Variants in ANPEP observed in about 807,000 individuals in gnomAD.
The protein encoded by ANPEP is alanyl aminopeptidase, membrane.
Under a neutral mutation model 114.6 loss-of-function variants are expected in ANPEP, and 70 were observed. The observed-to-expected ratio is 0.61, with a 90% confidence interval of 0.50 to 0.75. The LOEUF (loss-of-function observed/expected upper bound fraction) is 0.75, where lower values mean the gene tolerates loss of function less well. Among genes scored for constraint, ANPEP ranks in the 30% least tolerant of loss-of-function variants. The pLI, the probability that ANPEP is intolerant of heterozygous loss-of-function variation, is 0.00. For synonymous variants in ANPEP, 548 were observed against 522.3 expected, an observed-to-expected ratio of 1.05 and a Z score of -0.67; for missense variants, 1,184 against 1,259.5, an observed-to-expected ratio of 0.94 and a Z score of 0.91.
chr15:89,790,356 C>T (rs1021374979), intron 20 of ANPEP, 104 bp downstream of exon 20: 9 of 983,128 alleles, frequency 9.2e-6, no homozygotes, highest in African/African-American at 3.2e-5. Context: ...GGCCTGGCGG[C>T]GTGGAGCCTG....
rs571008821 is a variant in ANPEP at position 89,803,565 on chromosome 15, C to T, written c.1438-58G>A. The T allele has an allele frequency of 1.2e-6, 2 of 1,600,720 alleles. No individual in the cohort carries two copies. Among genetic ancestry groups the T allele is most frequent in the East Asian group, 2.2e-5 (1 of 44,606 alleles). ...TGTGCAGAGCCACCAGGACCCTGTGCCCCCAGACCCTGCCTTCAGTGAGGC... is the reference window on the plus strand; with the variant it reads ...TGTGCAGAGCCACCAGGACCCTGTGTCCCCAGACCCTGCCTTCAGTGAGGC... On this transcript the variant is annotated intron_variant, in intron 8 of 20. Coordinates refer to ENST00000300060, the MANE Select transcript of ANPEP (RefSeq NM_001150.3). The surrounding 1 kb of genome is among the most constrained non-coding windows in gnomAD (Gnocchi z 4.2).
chr15:89,797,533 T>C (rs1968752243), intron 15 of ANPEP, 42 bp downstream of exon 15: 1 of 1,585,112 alleles, frequency 6.3e-7, no homozygotes, highest in South Asian at 1.1e-5. Flanking sequence ...TTTCAGGCAC[T>C]GGGGCGAACT....
intron 1 of ANPEP, among the ~76,000 whole-genome samples, chr15:89,814,045 G>A (rs1283265689): frequency 1.3e-5 from 2 of 150,180 alleles, no homozygotes; most frequent in African/African-American, 5.0e-5. Flanking sequence ...CATTGGCCCT[G>A]TTTAGGGGAC....
chr15:89,800,723 G>C (rs556287641), intron 12 of ANPEP, among the ~76,000 whole-genome samples: 3 of 152,060 alleles, frequency 2.0e-5, no homozygotes, highest in African/African-American at 7.2e-5. Flanking sequence ...CACCACACCT[G>C]GCTAATTTTG....
chr15:89,794,438 C>T (rs1344389936), intron 15 of ANPEP, among the ~76,000 whole-genome samples: 1 of 151,968 alleles, frequency 6.6e-6, no homozygotes, highest in Non-Finnish European at 1.5e-5. Context: ...GAGCCAAGAT[C>T]GGGCCACTGC....
chr15:89,792,252 G>A lies in ANPEP; in HGVS notation c.2436C>T (p.Ala812=). ...GTGTGGCATTTCGGAACTGCTCCCA[G>A]GCGAAGTCCCACTCCTCCTCCCCGC... ...AQGGEEEWDF[A]WEQFRNATLV... is the part of the protein sequence containing the mutation. The change falls in exon 18 of 21, where the codon GCC becomes GCT. Residue 812 remains alanine (A), a synonymous_variant. Coordinates refer to ENST00000300060, the MANE Select transcript of ANPEP (RefSeq NM_001150.3). 1.2e-6 allele frequency: 2 copies of A among 1,614,248 alleles called. No homozygotes were observed. The highest frequency in any genetic ancestry group is 1.7e-6 in the Non-Finnish European group (2 of 1,180,046).
intron 15 of ANPEP, among the ~76,000 whole-genome samples, chr15:89,794,515 A>T (rs1010475778): frequency 7.2e-5 from 11 of 152,030 alleles, no homozygotes; most frequent in African/African-American, 9.7e-5. Flanking sequence ...AATAAATAAA[A>T]AAATTAAAGG....
intron 6 of ANPEP, 48 bp downstream of exon 6, chr15:89,804,205 C>T (rs1596168724): frequency 6.2e-7 from 1 of 1,608,942 alleles, no homozygotes; most frequent in East Asian, 2.2e-5. Flanking sequence ...GCCGTCTCCT[C>T]TCGGAGCCCC....
intron 14 of ANPEP, 30 bp from the exon 15 acceptor site, chr15:89,797,752 G>C: frequency 2.5e-6 from 4 of 1,613,190 alleles, no homozygotes; most frequent in Non-Finnish European, 2.5e-6. Flanking sequence ...CCCAAGTAAA[G>C]CACCTCCACC....
intron 14 of ANPEP, among the ~76,000 whole-genome samples, chr15:89,798,256 T>C (rs930779940): frequency 6.6e-6 from 1 of 152,206 alleles, no homozygotes; most frequent in Non-Finnish European, 1.5e-5. Flanking sequence ...AATAAGTACC[T>C]GTTTATCCAT....
chr15:89,804,881 G>T, intron 4 of ANPEP, 197 bp downstream of exon 4: 2 of 889,264 alleles, frequency 2.2e-6, no homozygotes, highest in Non-Finnish European at 1.7e-6. Context: ...CTCCCTTCAT[G>T]AAGAGAAACC....
intron 2 of ANPEP, among the ~76,000 whole-genome samples, 190 bp from the exon 3 acceptor site, chr15:89,805,653 G>C (rs1894695724): frequency 6.6e-6 from 1 of 152,184 alleles, no homozygotes; most frequent in Non-Finnish European, 1.5e-5. Flanking sequence ...GTGGGGGTTG[G>C]GGCTCCTTCT....
intron 17 of ANPEP, 33 bp from the exon 18 acceptor site, chr15:89,792,360 A>T: frequency 3.7e-6 from 6 of 1,613,044 alleles, no homozygotes; most frequent in Non-Finnish European, 5.1e-6. Flanking sequence ...GGTGTGGAAC[A>T]GCAGCGGGGA....
At chr15:89,798,932 C>T (rs1448604175) in intron 14 of ANPEP, among the ~76,000 whole-genome samples, 1 of 148,802 alleles carries the variant, frequency 6.7e-6, no homozygotes, top group African/African-American at 2.5e-5. Flanking sequence ...GAGCGAGACT[C>T]CGTCTCAAAA....
chr15:89,803,967 A>T lies in ANPEP; in HGVS notation c.1215T>A (p.Asn405Lys), dbSNP rs1313492032. The T allele has an allele frequency of 3.1e-6, 5 of 1,614,034 alleles. No individual in the cohort carries two copies. Among genetic ancestry groups the T allele is most frequent in the Non-Finnish European group, 4.2e-6 (5 of 1,180,018 alleles). The change falls in exon 7 of 21, where the codon AAT becomes AAA. Residue 405 changes from asparagine to lysine, a missense_variant. By Grantham distance (94) the Asn-to-Lys change is moderately conservative (BLOSUM62 0). Transcript: ENST00000300060. The surrounding 1 kb of genome is among the most constrained non-coding windows in gnomAD (Gnocchi z 4.2). ...CGAAGCCCTCGTTCAGCCACAGGTC[A>T]TTCCACCACTCTATGGTCACCAGGT... is the stretch of plus-strand genomic sequence containing the variant. ...FGNLVTIEWWNDLWLNEGFAS... is the reference protein window; with the variant it reads ...FGNLVTIEWWKDLWLNEGFAS...
At chr15:89,798,858 G>A (rs1894527161) in intron 14 of ANPEP, among the ~76,000 whole-genome samples, 1 of 152,226 alleles carries the variant, frequency 6.6e-6, no homozygotes, top group Non-Finnish European at 1.5e-5. Context: ...AGAATCGCTT[G>A]AACCTGGGAG....
chr15:89,799,488 G>T lies in ANPEP; in HGVS notation c.1891C>A (p.Arg631=), dbSNP rs763647069. ...LLNLNVTGYY[R]VNYDEENWRK... The stretch of plus-strand genomic sequence containing the variant: ...CAGTTCTCTTCGTCGTAGTTCACCC[G>T]GTAATAGCCCGTCACATTGAGGTTC... The change falls in exon 13 of 21, where the codon CGG becomes AGG. Residue 631 remains arginine, a synonymous_variant. Coordinates refer to ENST00000300060, the MANE Select transcript of ANPEP (RefSeq NM_001150.3). This position sits in a 1 kb window ranked among gnomAD's most constrained non-coding sequence, Gnocchi z 4.2. The T allele has an allele frequency of 5.0e-6, 8 of 1,614,160 alleles. No individual in the cohort carries two copies. In the Admixed American group the frequency reaches 1.2e-4, roughly 24 times the overall value.
At chr15:89,811,976 CA>C (rs1476864692) in intron 1 of ANPEP, among the ~76,000 whole-genome samples, 1 of 152,172 alleles carries the variant, frequency 6.6e-6, no homozygotes, top group Non-Finnish European at 1.5e-5. Flanking sequence ...AAACCAAAGC[CA>C]AAACCAAAAA....
rs2141812616 is a variant in ANPEP, at chr15:89,806,566, A to G, written c.18T>C (p.Tyr6=). 1 of 1,606,310 alleles carries G rather than the reference A, an allele frequency of 6.2e-7. No homozygotes were observed. Among genetic ancestry groups the G allele is most frequent in the Non-Finnish European group, 8.5e-7 (1 of 1,174,884 alleles). The change falls in exon 2 of 21, where the codon TAT becomes TAC. Residue 6 remains tyrosine, a synonymous_variant. Transcript: ENST00000300060. This position sits in a 1 kb window ranked among gnomAD's most constrained non-coding sequence, Gnocchi z 5.7. ...CCAGGATGCCCAGGGACTTGGAAATATAGAAGCCCTTGGCCATGGTGATGG... is the reference window on the plus strand; with the variant it reads ...CCAGGATGCCCAGGGACTTGGAAATGTAGAAGCCCTTGGCCATGGTGATGG... MAKGF[Y]ISKSLGILGI...
Sources: gnomAD v4.1 joint callset for allele counts (sites outside exome capture counted in the v4.1 genomes callset) on GRCh38, gnomAD v4.1.1 for gene constraint, Gnocchi (gnomAD v3.1) non-coding constraint, MANE v1.5 for transcripts, NCBI Gene and HGNC (gene_info 2026-07-23, HGNC 2026-07-21) for gene names.